Variants in GLIPR1L2 observed in about 807,000 individuals in gnomAD.
GLIPR1L2 encodes GLIPR1 like 2.
In GLIPR1L2, 21 loss-of-function variants were observed where a neutral mutation model predicts 28.4. That is an observed-to-expected ratio of 0.74 (90% CI 0.52 to 1.06). The LOEUF is 1.06. Among genes scored for constraint, GLIPR1L2 ranks in the 50% least tolerant of loss-of-function variants. The probability of loss-of-function intolerance (pLI) is 0.00; values close to 1 mark genes in which losing one functional copy is unlikely to be tolerated. For synonymous variants in GLIPR1L2, 145 were observed against 139.3 expected (o/e 1.04, Z -0.29); for missense variants, 476 against 416.9 (o/e 1.14, Z -1.23).
At chr12:75,410,996 A>T (rs2045861226) in intron 2 of GLIPR1L2, among the ~76,000 whole-genome samples, 1 of 151,874 alleles carries the variant, frequency 6.6e-6, no homozygotes, top group Non-Finnish European at 1.5e-5. Context: ...TAAATGATTG[A>T]CTATAAACAT....
Position 75,391,255 on chromosome 12 carries a change from GACGAGGAGGACGTAGACTTTATCA to G in GLIPR1L2, c.145_168del (p.Glu49_Glu56del). ...TAGTTTGAACGCCAGATTTTTGCCA[GACGAGGAGGACGTAGACTTTATCA>G]ACGAGTACGTGAACCTCCACAATGA... On this transcript the variant is annotated inframe_deletion, in exon 1 of 6. Coordinates refer to ENST00000550916, the MANE Select transcript of GLIPR1L2 (RefSeq NM_001270396.2). 1 of 1,614,220 alleles carries G rather than the reference GACGAGGAGGACGTAGACTTTATCA, an allele frequency of 6.2e-7. No individual in the cohort carries two copies. Among genetic ancestry groups the G allele is most frequent in the Admixed American group, 1.7e-5 (1 of 60,026 alleles).
At chr12:75,409,826 A>G (rs911310537) in intron 1 of GLIPR1L2, among the ~76,000 whole-genome samples, 3 of 147,572 alleles carry the variant, frequency 2.0e-5, no homozygotes, top group African/African-American at 7.4e-5. Flanking sequence ...TATAAGATGT[A>G]TATCTAATCC....
chr12:75,428,382 T>A (rs1056016209), intron 4 of GLIPR1L2, among the ~76,000 whole-genome samples: 2 of 152,172 alleles, frequency 1.3e-5, no homozygotes, highest in African/African-American at 4.8e-5. Flanking sequence ...GCACTCAAGA[T>A]GTGACCTGGC....
At chr12:75,405,619 C>G (rs1477711148) in intron 1 of GLIPR1L2, among the ~76,000 whole-genome samples, 1 of 147,180 alleles carries the variant, frequency 6.8e-6, no homozygotes, top group Non-Finnish European at 1.5e-5. Flanking sequence ...CCTCAGCATT[C>G]TTTCTGGGCA....
At chr12:75,412,345 G>T (rs1270543265) in intron 2 of GLIPR1L2, among the ~76,000 whole-genome samples, 1 of 151,920 alleles carries the variant, frequency 6.6e-6, no homozygotes, top group East Asian at 1.9e-4. Context: ...TTGACAAATG[G>T]GATCTAATTA....
chr12:75,399,077 A>G (rs1390139426), intron 1 of GLIPR1L2, among the ~76,000 whole-genome samples: 1 of 152,128 alleles, frequency 6.6e-6, no homozygotes, highest in African/African-American at 2.4e-5. Context: ...TTTTTTACCT[A>G]TTCCTTTATT....
At chr12:75,396,735 C>T (rs2045685070) in intron 1 of GLIPR1L2, among the ~76,000 whole-genome samples, 2 of 152,162 alleles carry the variant, frequency 1.3e-5, no homozygotes, top group South Asian at 4.1e-4. Context: ...CTTACTGAAT[C>T]AGAAATCCTG....
chr12:75,401,192 A>T (rs2045737832), intron 1 of GLIPR1L2, among the ~76,000 whole-genome samples: 1 of 151,750 alleles, frequency 6.6e-6, no homozygotes. Context: ...AAAATAAACT[A>T]AATATGTTAT....
At chr12:75,427,990 T>C (rs961758020) in intron 4 of GLIPR1L2, among the ~76,000 whole-genome samples, 1 of 152,130 alleles carries the variant, frequency 6.6e-6, no homozygotes, top group South Asian at 2.1e-4. Flanking sequence ...ATACATGAAA[T>C]TGGTACCAGT....
intron 4 of GLIPR1L2, among the ~76,000 whole-genome samples, chr12:75,428,757 CCCAGCCATT>C (rs551985510): frequency 8.2e-4 from 125 of 152,310 alleles, no homozygotes; most frequent in South Asian, 3.7e-3. Context: ...TTCCCTGCCT[CCCAGCCATT>C]CCAGCTTAAG....
intron 3 of GLIPR1L2, among the ~76,000 whole-genome samples, chr12:75,415,104 T>A (rs984806877): frequency 6.6e-6 from 1 of 151,970 alleles, no homozygotes. Context: ...ATCTCAGAGA[T>A]TGGAATGAGT....
At chr12:75,418,831 G>T (rs1215226778) in intron 3 of GLIPR1L2, among the ~76,000 whole-genome samples, 2 of 152,092 alleles carry the variant, frequency 1.3e-5, no homozygotes, top group African/African-American at 4.8e-5. Flanking sequence ...TTTCCCATTT[G>T]TTTGTGTCCT....
chr12:75,420,912 C>A (rs1476932798), intron 3 of GLIPR1L2, among the ~76,000 whole-genome samples: 2 of 152,124 alleles, frequency 1.3e-5, no homozygotes, highest in Non-Finnish European at 2.9e-5. Flanking sequence ...TATTTATTTT[C>A]AGTTTTATGT....
At chr12:75,427,978 T>C (rs2046051415) in intron 4 of GLIPR1L2, among the ~76,000 whole-genome samples, 1 of 152,152 alleles carries the variant, frequency 6.6e-6, no homozygotes, top group Non-Finnish European at 1.5e-5. Context: ...GAAAATCAAC[T>C]AATACATGAA....
At chr12:75,413,544 G>A (rs1247907615) in intron 2 of GLIPR1L2, 54 bp from the exon 3 acceptor site, 1 of 942,928 alleles carries the variant, frequency 1.1e-6, no homozygotes, top group Non-Finnish European at 1.6e-6. Context: ...TTTATAATAT[G>A]AAAGTCAATG....
In GLIPR1L2 at chr12:75,398,516, A is replaced by G. The variant is rs554532498; in HGVS notation, c.234+7166A>G. ...TAGCTTCGTCCTCTTTGTTGCTTCA[A>G]CTTTCTTACATTCTTGGATGCTAGG... On this transcript the variant is annotated intron_variant, in intron 1 of 5. Coordinates refer to ENST00000550916, the MANE Select transcript of GLIPR1L2 (RefSeq NM_001270396.2). Among the ~76,000 whole-genome samples, 3 of 152,094 alleles carry G rather than the reference A, an allele frequency of 2.0e-5. No homozygotes were observed. The South Asian group carries it at 6.2e-4, about 32-fold the overall frequency.
chr12:75,405,875 C>A (rs2045793122), intron 1 of GLIPR1L2, among the ~76,000 whole-genome samples: 1 of 151,922 alleles, frequency 6.6e-6, no homozygotes, highest in Admixed American at 6.6e-5. Flanking sequence ...TTTTAGAAAA[C>A]CTTAAATGAC....
At position 75,391,326 on chromosome 12, in the gene GLIPR1L2, C is replaced by A; in HGVS notation, c.210C>A (p.Pro70=). ...LHNELRGDVI[P]RGSNLRFMTW... ...ATGAGCTGCGGGGCGACGTCATTCC[C>A]CGAGGGTCTAACTTGCGCTTCATGG... Residue 70 remains proline (P), a synonymous_variant, in exon 1 of 6, where the codon CCC becomes CCA. Transcript: ENST00000550916. The A allele has an allele frequency of 1.2e-6, 2 of 1,614,152 alleles. No individual in the cohort carries two copies. Among genetic ancestry groups the A allele is most frequent in the East Asian group, 2.2e-5 (1 of 44,876 alleles).
intron 1 of GLIPR1L2, among the ~76,000 whole-genome samples, chr12:75,393,793 G>A (rs920997483): frequency 6.6e-6 from 1 of 151,890 alleles, no homozygotes. Flanking sequence ...TGATAATTCT[G>A]TTTAATTTTT....
Sources: gnomAD v4.1 joint callset for allele counts (sites outside exome capture counted in the v4.1 genomes callset) on GRCh38, gnomAD v4.1.1 for gene constraint, MANE v1.5 for transcripts, NCBI Gene and HGNC (gene_info 2026-07-23, HGNC 2026-07-21) for gene names.